Variants in ANO3 observed in about 807,000 individuals in gnomAD.
ANO3 encodes anoctamin-3.
Under a neutral mutation model 144.8 loss-of-function variants are expected in ANO3, and 99 were observed. The ratio of observed to expected loss-of-function variants is 0.68; its 90% CI spans 0.58 to 0.81. The LOEUF is 0.81. ANO3 is among the 30% of genes least tolerant of loss of function. The pLI is 0.00. For missense variants in ANO3, 905 were observed against 1,202.2 expected (o/e 0.75, Z 3.66); for synonymous variants, 414 against 392.6 (o/e 1.05, Z -0.64).
At chr11:26,427,560 TGAA>T (rs1021293136) in intron 1 of ANO3, 2 of 152,140 alleles carry the variant, frequency 1.3e-5, no homozygotes, top group African/African-American at 4.8e-5. Flanking sequence ...ATATTCTATA[TGAA>T]GAAAAACAGA....
intron 1 of ANO3, among the ~76,000 whole-genome samples, chr11:26,301,297 C>A (rs768103334): frequency 5.3e-5 from 8 of 152,152 alleles, no homozygotes; most frequent in Non-Finnish European, 1.0e-4. Flanking sequence ...CTAATTCTGA[C>A]ATTGCCTATT....
chr11:26,428,662 A>C (rs147571424), intron 1 of ANO3, among the ~76,000 whole-genome samples: 69 of 152,276 alleles, frequency 4.5e-4, no homozygotes, highest in African/African-American at 1.5e-3. Context: ...AAGCAGCTTC[A>C]TCCAACCAAA....
chr11:26,479,706 C>T (rs1481461187), intron 4 of ANO3, among the ~76,000 whole-genome samples: 1 of 152,130 alleles, frequency 6.6e-6, no homozygotes, highest in Admixed American at 6.5e-5. Context: ...CAAACCATAT[C>T]AGTGTCTATA....
intron 1 of ANO3, among the ~76,000 whole-genome samples, chr11:26,400,717 C>CAT (rs1001658561): frequency 2.0e-5 from 3 of 151,222 alleles, no homozygotes; most frequent in African/African-American, 7.3e-5. Flanking sequence ...CATACATATA[C>CAT]ATATATATAT....
At chr11:26,247,243 T>C (rs1852817543) in intron 1 of ANO3, among the ~76,000 whole-genome samples, 1 of 151,658 alleles carries the variant, frequency 6.6e-6, no homozygotes, top group Admixed American at 6.6e-5. Flanking sequence ...ACTCAAAGTA[T>C]ATTTTTTATA....
intron 1 of ANO3, among the ~76,000 whole-genome samples, chr11:26,430,453 T>G (rs891173595): frequency 6.6e-6 from 1 of 152,100 alleles, no homozygotes; most frequent in African/African-American, 2.4e-5. Flanking sequence ...AACATAATGA[T>G]GAACACATCA....
chr11:26,553,534 ATT>A (rs913598248), intron 13 of ANO3, among the ~76,000 whole-genome samples, 189 bp downstream of exon 13: 2 of 152,130 alleles, frequency 1.3e-5, no homozygotes, highest in African/African-American at 4.8e-5. Context: ...TTATTTGAAC[ATT>A]TTTGTCTTCC....
At chr11:26,608,280 G>A (rs1315546405) in intron 17 of ANO3, among the ~76,000 whole-genome samples, 1 of 152,142 alleles carries the variant, frequency 6.6e-6, no homozygotes, top group Non-Finnish European at 1.5e-5. Flanking sequence ...GTCACACAAG[G>A]AGGCTGGAGA....
chr11:26,252,531 G>T (rs755701642), intron 1 of ANO3, among the ~76,000 whole-genome samples: 5 of 152,078 alleles, frequency 3.3e-5, no homozygotes, highest in African/African-American at 4.8e-5. Context: ...ACCTCCTGTA[G>T]AAAAGTCCCT....
chr11:26,291,549 G>A (rs898534689), intron 1 of ANO3, among the ~76,000 whole-genome samples: 3 of 152,150 alleles, frequency 2.0e-5, no homozygotes, highest in Non-Finnish European at 4.4e-5. Context: ...GCTGGTACCG[G>A]TTGTTCCTTT....
At position 26,270,173 on chromosome 11, in the gene ANO3, C is replaced by T. The variant is rs1043717076; in HGVS notation, c.155-39472C>T. Among the ~76,000 whole-genome samples, 5 of 152,178 alleles carry T rather than the reference C, an allele frequency of 3.3e-5. No homozygotes were observed. The South Asian group carries it at 1.0e-3, about 32-fold the overall frequency. ...TGGAAATATATTACCTACTTCTCTT[C>T]CATGATTAGGAACCCTGTTCTAGAC... On this transcript the variant is annotated intron_variant, in intron 1 of 27. Transcript: ENST00000672621.
At chr11:26,292,314 T>A (rs1042887837) in intron 1 of ANO3, among the ~76,000 whole-genome samples, 7 of 152,130 alleles carry the variant, frequency 4.6e-5, no homozygotes, top group African/African-American at 1.7e-4. Context: ...ATTCATCTAA[T>A]CTTTTTTCAA....
intron 1 of ANO3, among the ~76,000 whole-genome samples, chr11:26,225,922 A>G (rs1852247420): frequency 6.6e-6 from 1 of 152,124 alleles, no homozygotes; most frequent in Non-Finnish European, 1.5e-5. Flanking sequence ...CTTTACTTAT[A>G]CATTAGTACT....
chr11:26,215,835 T>A (rs1852025657), intron 1 of ANO3, among the ~76,000 whole-genome samples: 1 of 151,986 alleles, frequency 6.6e-6, no homozygotes, highest in South Asian at 2.1e-4. Flanking sequence ...TCCTCCCGTT[T>A]TTCTGTAACT....
At chr11:26,596,163 C>T (rs553713376) in intron 14 of ANO3, among the ~76,000 whole-genome samples, 4 of 142,526 alleles carry the variant, frequency 2.8e-5, no homozygotes, top group South Asian at 2.5e-4. Flanking sequence ...TTTTCCTTTA[C>T]TATTTCTATC....
At chr11:26,636,402 C>T (rs962046107) in intron 20 of ANO3, among the ~76,000 whole-genome samples, 1 of 152,132 alleles carries the variant, frequency 6.6e-6, no homozygotes, top group Non-Finnish European at 1.5e-5. Flanking sequence ...TATAATATCT[C>T]ACATTAATAT....
At chr11:26,328,313 T>C (rs978382683), upstream of ANO3, among the ~76,000 whole-genome samples, 9 of 152,210 alleles carry the variant, frequency 5.9e-5, no homozygotes, top group African/African-American at 2.2e-4. Flanking sequence ...TTTATGATAG[T>C]ATATGACTTT....
chr11:26,526,192 T>A (rs1849158897), intron 7 of ANO3, among the ~76,000 whole-genome samples: 1 of 152,112 alleles, frequency 6.6e-6, no homozygotes, highest in Non-Finnish European at 1.5e-5. Flanking sequence ...ATCCTAGTAT[T>A]GAAAACGAAC....
intron 17 of ANO3, among the ~76,000 whole-genome samples, chr11:26,610,457 C>G (rs910845191): frequency 6.6e-6 from 1 of 151,818 alleles, no homozygotes; most frequent in Non-Finnish European, 1.5e-5. Flanking sequence ...AACCCCTTGT[C>G]AGATATATAG....
Sources: gnomAD v4.1 joint callset for allele counts (sites outside exome capture counted in the v4.1 genomes callset) on GRCh38, gnomAD v4.1.1 for gene constraint, MANE v1.5 for transcripts, NCBI Gene and HGNC (gene_info 2026-07-23, HGNC 2026-07-21) for gene names.